NOS1AP: variants seen among roughly 807,000 people sequenced by gnomAD.
NOS1AP encodes carboxyl-terminal PDZ ligand of neuronal nitric oxide synthase protein.
NOS1AP carries 21 observed loss-of-function variants against 56.2 expected under a neutral mutation model. The ratio of observed to expected loss-of-function variants is 0.37; its 90% confidence interval spans 0.26 to 0.54. The LOEUF (loss-of-function observed/expected upper bound fraction) is 0.54, where lower values mean the gene tolerates loss of function less well. Ranked by LOEUF, NOS1AP falls within the 20% of genes least tolerant of loss-of-function variation. The pLI is 0.84. For synonymous variants in NOS1AP, 270 were observed against 274.6 expected, an observed-to-expected ratio of 0.98 and a Z score of 0.17; for missense variants, 522 against 657.8, an observed-to-expected ratio of 0.79 and a Z score of 2.26.
intron 3 of NOS1AP, among the ~76,000 whole-genome samples, chr1:162,294,546 C>T (rs1655389132): frequency 6.6e-6 from 1 of 152,182 alleles, no homozygotes; most frequent in Non-Finnish European, 1.5e-5. Context: ...AAAATGTTTA[C>T]TAATCGAGAT....
chr1:162,360,569 C>T (rs1187855359), intron 8 of NOS1AP: 7 of 351,636 alleles, frequency 2.0e-5, no homozygotes, highest in Non-Finnish European at 3.9e-5. Context: ...TTAAAGATTT[C>T]TCCTCTACCT....
chr1:162,355,405 C>A, intron 7 of NOS1AP, 52 bp downstream of exon 7: 1 of 1,607,616 alleles, frequency 6.2e-7, no homozygotes, highest in Non-Finnish European at 8.5e-7. Flanking sequence ...GCCCTCAGGT[C>A]ATCAGTCACT....
chr1:162,081,150 T>A (rs1289895242), intron 1 of NOS1AP, among the ~76,000 whole-genome samples: 2 of 152,224 alleles, frequency 1.3e-5, no homozygotes, highest in Non-Finnish European at 2.9e-5. Flanking sequence ...ACTAATTTAA[T>A]CTTTACAGTG....
Position 162,343,943 on chromosome 1 carries a change from A to G in NOS1AP, c.562A>G (p.Ser188Gly), listed in dbSNP as rs1657189640. 1 of 1,614,026 alleles carries G rather than the reference A, an allele frequency of 6.2e-7. No individual in the cohort carries two copies. The highest frequency in any genetic ancestry group is 1.3e-5 in the African/African-American group (1 of 74,912). The change falls in exon 6 of 10, where the codon AGC (serine) becomes GGC (glycine). Residue 188 changes from serine to glycine, a missense_variant. Ser to Gly is a moderately conservative substitution (Grantham distance 56, BLOSUM62 0). Transcript: ENST00000361897. ...TGCAGATGGCCAGGAAGATGGAGAG[A>G]GCGAGAGGAACAGCAACAGCTCAGG... ...QNADGQEDGE[S>G]ERNSNSSGDP... is the part of the protein sequence containing the mutation.
At chr1:162,105,419 C>T (rs1223774032) in intron 1 of NOS1AP, among the ~76,000 whole-genome samples, 1 of 152,218 alleles carries the variant, frequency 6.6e-6, no homozygotes, top group Non-Finnish European at 1.5e-5. Flanking sequence ...AGTCTGGCTG[C>T]CCTTTGGTAG....
rs35637289 is a variant in NOS1AP, at chr1:162,255,490, A to ATTT, written c.178-31821_178-31819dup. Among the ~76,000 whole-genome samples, 139 of 60,962 alleles carry ATTT rather than the reference A, an allele frequency of 2.3e-3. 14 individuals carry two copies. The highest frequency in any genetic ancestry group is 3.3e-3 in the Non-Finnish European group (94 of 28,162). 40.0% of individuals were successfully genotyped at this position (60,962 alleles called of 152,430 possible). ...ATGCATAGGTTATTTGCTGCTGCTG[A>ATTT]TTTTTTTTTTTTTTTTTTTTTTTTT... On this transcript the variant is annotated intron_variant, in intron 2 of 9. Transcript: ENST00000361897.
intron 2 of NOS1AP, among the ~76,000 whole-genome samples, chr1:162,168,260 C>T (rs879813976): frequency 6.6e-6 from 1 of 152,220 alleles, no homozygotes; most frequent in East Asian, 1.9e-4. Context: ...GGATTCTCTG[C>T]TCGTTGGAAA....
At chr1:162,320,784 G>A (rs1656390132) in intron 4 of NOS1AP, among the ~76,000 whole-genome samples, 1 of 152,160 alleles carries the variant, frequency 6.6e-6, no homozygotes, top group Non-Finnish European at 1.5e-5. Flanking sequence ...AACCAGGGAG[G>A]TGGAGGTTGT....
chr1:162,175,502 T>C (rs1651014569), intron 2 of NOS1AP, among the ~76,000 whole-genome samples: 1 of 152,216 alleles, frequency 6.6e-6, no homozygotes, highest in Admixed American at 6.5e-5. Context: ...TTTAACTTTC[T>C]GGCACTACAC....
At chr1:162,319,505 A>G (rs1656342309) in intron 4 of NOS1AP, among the ~76,000 whole-genome samples, 1 of 151,882 alleles carries the variant, frequency 6.6e-6, no homozygotes, top group Non-Finnish European at 1.5e-5. Context: ...ATCTCCCACC[A>G]GTCCTTCTGT....
At chr1:162,095,449 C>G (rs1692218890) in intron 1 of NOS1AP, among the ~76,000 whole-genome samples, 1 of 152,200 alleles carries the variant, frequency 6.6e-6, no homozygotes, top group Non-Finnish European at 1.5e-5. Context: ...TTGTCTAACC[C>G]ACCAAGTCTA....
At chr1:162,184,934 T>C (rs1651377628) in intron 2 of NOS1AP, among the ~76,000 whole-genome samples, 1 of 152,258 alleles carries the variant, frequency 6.6e-6, no homozygotes, top group African/African-American at 2.4e-5. Flanking sequence ...TATCTTATAG[T>C]TGTGTACATC....
At chr1:162,223,925 C>T (rs1280350341) in intron 2 of NOS1AP, among the ~76,000 whole-genome samples, 1 of 152,092 alleles carries the variant, frequency 6.6e-6, no homozygotes, top group Non-Finnish European at 1.5e-5. Context: ...ATCAAAATGG[C>T]ACCTTTCACT....
intron 4 of NOS1AP, among the ~76,000 whole-genome samples, chr1:162,308,545 TG>T (rs1451031531): frequency 6.6e-6 from 1 of 152,186 alleles, no homozygotes; most frequent in Non-Finnish European, 1.5e-5. Context: ...ATGTGTGTTC[TG>T]GGCATGCATA....
intron 1 of NOS1AP, 41 bp from the exon 2 acceptor site, chr1:162,154,364 G>C (rs895216047): frequency 5.6e-6 from 9 of 1,595,362 alleles, no homozygotes; most frequent in Middle Eastern, 1.7e-4. Context: ...AGGGACACTT[G>C]CTACCCCTCC....
chr1:162,264,663 C>T (rs1274480246), intron 2 of NOS1AP, among the ~76,000 whole-genome samples: 1 of 150,650 alleles, frequency 6.6e-6, no homozygotes, highest in Non-Finnish European at 1.5e-5. Flanking sequence ...TGTGCCACCA[C>T]ACCTGGCTAA....
rs528103448 is a variant in NOS1AP at position 162,286,082 on chromosome 1, T to G, written c.178-1262T>G. ...AGTGAAAAGGATAGACTCAGGACAG[T>G]AGGAAGCTCTGAGTTGAGTTTGTAA... On this transcript the variant is annotated intron_variant, in intron 2 of 9. Coordinates refer to ENST00000361897, the MANE Select transcript of NOS1AP (RefSeq NM_014697.3). Among the ~76,000 whole-genome samples the G allele has an allele frequency of 1.6e-4, 24 of 152,294 alleles. No homozygotes were observed. In the South Asian group the frequency reaches 4.6e-3, roughly 29 times the overall value.
chr1:162,336,375 C>T (rs1373811940), intron 5 of NOS1AP, among the ~76,000 whole-genome samples: 2 of 152,128 alleles, frequency 1.3e-5, no homozygotes, highest in Non-Finnish European at 2.9e-5. Context: ...ACACTCTTAC[C>T]CACTCCATTA....
At chr1:162,154,709 C>A (rs1013685006) in intron 2 of NOS1AP, among the ~76,000 whole-genome samples, 1 of 152,164 alleles carries the variant, frequency 6.6e-6, no homozygotes, top group Non-Finnish European at 1.5e-5. Flanking sequence ...TCTCTTGTGA[C>A]CTGTAGCTCC....
Sources: gnomAD v4.1 joint callset for allele counts (sites outside exome capture counted in the v4.1 genomes callset) on GRCh38, gnomAD v4.1.1 for gene constraint, MANE v1.5 for transcripts, NCBI Gene and HGNC (gene_info 2026-07-23, HGNC 2026-07-21) for gene names.